Variants in CYP4X1 observed in about 807,000 individuals in gnomAD.
The protein encoded by CYP4X1 is cytochrome P450 4X1.
Under a neutral mutation model 57.9 loss-of-function variants are expected in CYP4X1, and 44 were observed. That is an observed-to-expected ratio of 0.76 (90% CI 0.60 to 0.98). The LOEUF (loss-of-function observed/expected upper bound fraction) is 0.98. CYP4X1 is among the 50% of genes least tolerant of loss of function. The probability of loss-of-function intolerance (pLI) is 0.00; values close to 1 mark genes in which losing one functional copy is unlikely to be tolerated. For missense variants in CYP4X1, 532 were observed against 623.9 expected (o/e 0.85, Z 1.57); for synonymous variants, 227 against 228.6 (o/e 0.99, Z 0.06).
the CYP4X1 span, among the ~76,000 whole-genome samples, chr1:47,009,588 C>CA: frequency 4.6e-5 from 7 of 152,068 alleles, no homozygotes; most frequent in Admixed American, 6.5e-5. Context: ...AATAGAGACA[C>CA]AAAAAACCCT....
intron 8 of CYP4X1, among the ~76,000 whole-genome samples, chr1:47,043,798 C>T (rs1484600440): frequency 3.3e-5 from 5 of 152,106 alleles, no homozygotes; most frequent in Admixed American, 6.5e-5. Flanking sequence ...TATTTATTTA[C>T]AACTATCATA....
At chr1:47,038,594 G>C in intron 6 of CYP4X1, 66 bp from the exon 7 acceptor site, 1 of 1,282,974 alleles carries the variant, frequency 7.8e-7, no homozygotes, top group Non-Finnish European at 1.1e-6. Flanking sequence ...CACTAACCAT[G>C]GCTTGCTTTA....
At chr1:47,014,310 C>T in the CYP4X1 span, among the ~76,000 whole-genome samples, 1 of 152,146 alleles carries the variant, frequency 6.6e-6, no homozygotes, top group Non-Finnish European at 1.5e-5. Flanking sequence ...CTTCCTCCTA[C>T]CTTCAAGGCC....
chr1:47,015,069 G>A, the CYP4X1 span, among the ~76,000 whole-genome samples: 1 of 152,150 alleles, frequency 6.6e-6, no homozygotes, highest in African/African-American at 2.4e-5. Context: ...ATGGGTCTGT[G>A]CAGTTGTAGC....
chr1:46,968,484 A>G, the CYP4X1 span, among the ~76,000 whole-genome samples: 1 of 152,058 alleles, frequency 6.6e-6, no homozygotes, highest in Non-Finnish European at 1.5e-5. Context: ...TGTCCCATAC[A>G]TGTAGAGATG....
the CYP4X1 span, among the ~76,000 whole-genome samples, chr1:46,988,060 A>T: frequency 1.3e-5 from 2 of 152,130 alleles, no homozygotes; most frequent in Non-Finnish European, 2.9e-5. Context: ...GAGATAAGAG[A>T]CATAAAAAAC....
the CYP4X1 span, among the ~76,000 whole-genome samples, chr1:47,003,850 C>A: frequency 6.6e-6 from 1 of 152,120 alleles, no homozygotes; most frequent in Non-Finnish European, 1.5e-5. Flanking sequence ...ATCATTCTAC[C>A]CTTCCCTCTC....
At chr1:47,004,902 G>C in the CYP4X1 span, among the ~76,000 whole-genome samples, 1 of 152,172 alleles carries the variant, frequency 6.6e-6, no homozygotes, top group Non-Finnish European at 1.5e-5. Context: ...AAGGACAAAA[G>C]AAACCCACCC....
chr1:46,979,322 C>CT, the CYP4X1 span, among the ~76,000 whole-genome samples: 1 of 152,160 alleles, frequency 6.6e-6, no homozygotes, highest in Non-Finnish European at 1.5e-5. Flanking sequence ...GAAATACAAA[C>CT]TACCGTCAGA....
the CYP4X1 span, among the ~76,000 whole-genome samples, chr1:46,982,438 C>T: frequency 1.3e-5 from 2 of 152,232 alleles, no homozygotes; most frequent in Non-Finnish European, 2.9e-5. Flanking sequence ...TGTAGCGAGA[C>T]ACTCTGGCTT....
chr1:47,023,741 C>G lies in CYP4X1; in HGVS notation c.-77C>G. On this transcript the variant is annotated 5_prime_UTR_variant, in exon 1 of 12. Coordinates refer to ENST00000371901, the MANE Select transcript of CYP4X1 (RefSeq NM_178033.2). ...AGAGGCGGTGGGGTGGGCGACCCTA[C>G]GCCAGCTCCGGGCGGGAGAAAGCCC... The G allele has an allele frequency of 2.0e-6, 3 of 1,534,482 alleles. No individual in the cohort carries two copies. The South Asian group carries it at 3.8e-5, about 19-fold the overall frequency.
intron 10 of CYP4X1, among the ~76,000 whole-genome samples, 188 bp downstream of exon 10, chr1:47,048,817 G>T (rs1488710041): frequency 6.6e-6 from 1 of 152,188 alleles, no homozygotes; most frequent in Non-Finnish European, 1.5e-5. Context: ...GTGTATCAGT[G>T]ATTTCTTTCA....
At chr1:47,007,282 T>G in the CYP4X1 span, among the ~76,000 whole-genome samples, 1 of 152,136 alleles carries the variant, frequency 6.6e-6, no homozygotes, top group Non-Finnish European at 1.5e-5. Context: ...CATCCGCTGT[T>G]CTGCAGCCAC....
At chr1:47,033,909 G>T in intron 4 of CYP4X1, among the ~76,000 whole-genome samples, 1 of 152,186 alleles carries the variant, frequency 6.6e-6, no homozygotes, top group East Asian at 1.9e-4. Context: ...CTTGCCCTAA[G>T]GGCAAGATTT....
the CYP4X1 span, among the ~76,000 whole-genome samples, chr1:47,010,510 A>G: frequency 1.3e-5 from 2 of 152,244 alleles, no homozygotes; most frequent in African/African-American, 4.8e-5. Flanking sequence ...CAAGACAGGG[A>G]TGCCCTCTCT....
the CYP4X1 span, among the ~76,000 whole-genome samples, chr1:47,009,740 T>G: frequency 6.6e-6 from 1 of 152,146 alleles, no homozygotes; most frequent in Non-Finnish European, 1.5e-5. Context: ...TCACCACCTA[T>G]CCCACAGAAA....
At chr1:46,993,572 C>T in the CYP4X1 span, among the ~76,000 whole-genome samples, 1 of 152,204 alleles carries the variant, frequency 6.6e-6, no homozygotes, top group Non-Finnish European at 1.5e-5. Flanking sequence ...GTTCCTAGTT[C>T]TCCACATCCT....
At chr1:47,012,626 T>TGTGAA in the CYP4X1 span, among the ~76,000 whole-genome samples, 1 of 151,966 alleles carries the variant, frequency 6.6e-6, no homozygotes, top group Non-Finnish European at 1.5e-5. Flanking sequence ...CTGGCATAGA[T>TGTGAA]GTGAAGTAAT....
At position 47,032,649 on chromosome 1, in the gene CYP4X1, T is replaced by C. The variant is rs1287127964; in HGVS notation, c.365-592T>C. On this transcript the variant is annotated intron_variant, in intron 3 of 11. Coordinates refer to ENST00000371901, the MANE Select transcript of CYP4X1 (RefSeq NM_178033.2). The stretch of plus-strand genomic sequence containing the variant: ...GTGAAGCATTAGCCTTGGTAAGTAT[T>C]TCCACATAGTATCATTCATAGACCT... Among the ~76,000 whole-genome samples the C allele has an allele frequency of 3.3e-5, 5 of 152,198 alleles. No individual in the cohort carries two copies. In the East Asian group the frequency reaches 9.6e-4, roughly 29 times the overall value.
Sources: allele counts gnomAD v4.1 joint callset (sites outside exome capture counted in the v4.1 genomes callset), GRCh38; gene constraint gnomAD v4.1.1; transcripts MANE v1.5; gene names NCBI Gene and HGNC (gene_info 2026-07-23, HGNC 2026-07-21).